Variants in TCEANC2 observed in about 807,000 individuals in gnomAD.
TCEANC2 encodes the protein transcription elongation factor A N-terminal and central domain containing 2, also known as transcription elongation factor A N-terminal and central domain-containing protein 2.
Under a neutral mutation model 22.8 loss-of-function variants are expected in TCEANC2, and 20 were observed. The observed-to-expected ratio is 0.88, with a 90% confidence interval of 0.62 to 1.28. The LOEUF is 1.28. Among genes scored for constraint, TCEANC2 ranks in the 50% most tolerant of loss-of-function variants. The pLI, the probability that TCEANC2 is intolerant of heterozygous loss-of-function variation, is 0.00. For synonymous variants in TCEANC2, 84 were observed against 95.5 expected, an observed-to-expected ratio of 0.88 and a Z score of 0.70; for missense variants, 251 against 249.7, an observed-to-expected ratio of 1.01 and a Z score of -0.03.
At chr1:54,072,187 C>T (rs1378433456) in intron 3 of TCEANC2, among the ~76,000 whole-genome samples, 2 of 152,080 alleles carry the variant, frequency 1.3e-5, no homozygotes, top group Non-Finnish European at 2.9e-5. Flanking sequence ...TAATTAGAAG[C>T]ATATTAGGTC....
At chr1:54,060,404 CAAA>C (rs1204211675) in intron 2 of TCEANC2, among the ~76,000 whole-genome samples, 1 of 127,398 alleles carries the variant, frequency 7.8e-6, no homozygotes, top group Non-Finnish European at 1.7e-5. Flanking sequence ...GACTCCATCT[CAAA>C]AAAAAAAAAA....
chr1:54,079,764 C>T lies in TCEANC2; in HGVS notation c.245-8833C>T, dbSNP rs536778640. Among the ~76,000 whole-genome samples the T allele has an allele frequency of 1.2e-4, 19 of 152,128 alleles. 1 individual carries two copies. Among genetic ancestry groups the T allele is most frequent in the Admixed American group, 3.9e-4 (6 of 15,270 alleles). On this transcript the variant is annotated intron_variant, in intron 3 of 4. Coordinates refer to ENST00000234827, the MANE Select transcript of TCEANC2 (RefSeq NM_153035.3). ...TAGTCTCTTTTGCCATGTAAGGTAA[C>T]GTAGTCACAGATTCTGAGGATTAGG...
At chr1:54,108,800 A>G (rs1014565722), downstream of TCEANC2, among the ~76,000 whole-genome samples, 16 of 151,764 alleles carry the variant, frequency 1.1e-4, no homozygotes, top group African/African-American at 3.4e-4. Context: ...GTGAAACCCC[A>G]TCTCTACTAA....
intron 4 of TCEANC2, among the ~76,000 whole-genome samples, chr1:54,095,015 T>C (rs1658519910): frequency 6.6e-6 from 1 of 152,100 alleles, no homozygotes; most frequent in African/African-American, 2.4e-5. Flanking sequence ...TGGTGGTGCA[T>C]GCCTGTAATA....
chr1:54,108,797 C>T (rs965184848), downstream of TCEANC2, among the ~76,000 whole-genome samples: 1 of 151,954 alleles, frequency 6.6e-6, no homozygotes, highest in Non-Finnish European at 1.5e-5. Flanking sequence ...ACAGTGAAAC[C>T]CCATCTCTAC....
In TCEANC2 at chr1:54,100,195, G is replaced by GC. The variant is rs1312228812; in HGVS notation, c.*3724dup. 2.6e-5 allele frequency: 4 copies of GC among 150,968 alleles called. No individual in the cohort carries two copies. Among genetic ancestry groups the GC allele is most frequent in the African/African-American group, 9.8e-5 (4 of 40,990 alleles). 9.4% of individuals were successfully genotyped at this position (150,968 alleles called of 1,614,324 possible). ...GGAGGTTGCAGTGAGCTGAGATGGC[G>GC]CCATTGCACTCCAGCCTGGGCGACA... On this transcript the variant is annotated 3_prime_UTR_variant, in exon 5 of 5. Coordinates refer to ENST00000234827, the MANE Select transcript of TCEANC2 (RefSeq NM_153035.3).
chr1:54,103,718 A>G lies in TCEANC2; in HGVS notation c.*7245A>G, dbSNP rs1368124669. The G allele has an allele frequency of 2.0e-5, 3 of 152,194 alleles. No homozygotes were observed. Among genetic ancestry groups the G allele is most frequent in the African/African-American group, 7.2e-5 (3 of 41,440 alleles). The allele number at this position is 152,194 out of a possible 1,614,324, so 9.4% of individuals were successfully genotyped here. A position where few individuals can be genotyped will look rare whatever the true frequency, so the allele number is the denominator to read the frequency against. ...GATATAGCTCCATCCCTTGAGAACA[A>G]CCAGCAGCCACTTGGGAAGTTGGCT... On this transcript the variant is annotated 3_prime_UTR_variant, in exon 5 of 5. Coordinates refer to ENST00000234827, the MANE Select transcript of TCEANC2 (RefSeq NM_153035.3).
chr1:54,067,740 T>C (rs1203640238), intron 2 of TCEANC2, among the ~76,000 whole-genome samples: 3 of 152,204 alleles, frequency 2.0e-5, no homozygotes, highest in Non-Finnish European at 4.4e-5. Flanking sequence ...TTGTTGTTGC[T>C]TTTATCAAAC....
intron 3 of TCEANC2, among the ~76,000 whole-genome samples, chr1:54,083,061 G>T (rs569961581): frequency 1.5e-4 from 23 of 152,294 alleles, no homozygotes; most frequent in African/African-American, 5.3e-4. Flanking sequence ...AGATCTATAT[G>T]ACTTGGAATG....
At chr1:54,064,148 A>G (rs1258793936) in intron 2 of TCEANC2, among the ~76,000 whole-genome samples, 3 of 152,234 alleles carry the variant, frequency 2.0e-5, no homozygotes, top group Non-Finnish European at 4.4e-5. Context: ...AGTCTATAAG[A>G]AAATAAATTA....
At chr1:54,085,129 G>T (rs531123611) in intron 3 of TCEANC2, among the ~76,000 whole-genome samples, 1 of 152,310 alleles carries the variant, frequency 6.6e-6, no homozygotes, top group Non-Finnish European at 1.5e-5. Flanking sequence ...TAATTGGTTA[G>T]AGGGAGAAGT....
rs564234105 is a variant in TCEANC2 at position 54,074,340 on chromosome 1, G to A, written c.244+5443G>A. ...TAGCTGGGCATGGTGGCGGACGCCTGTAGTCCCAGCTACTCAGGAGGCTGA... is the reference window on the plus strand; with the variant it reads ...TAGCTGGGCATGGTGGCGGACGCCTATAGTCCCAGCTACTCAGGAGGCTGA... On this transcript the variant is annotated intron_variant, in intron 3 of 4. Coordinates refer to ENST00000234827, the MANE Select transcript of TCEANC2 (RefSeq NM_153035.3). 1.1e-3 allele frequency among the ~76,000 whole-genome samples: 166 copies of A among 152,268 alleles called. 1 individual carries two copies. Among genetic ancestry groups the A allele is most frequent in the African/African-American group, 3.9e-3 (162 of 41,546 alleles).
intron 4 of TCEANC2, among the ~76,000 whole-genome samples, chr1:54,091,589 A>G (rs1658448196): frequency 6.6e-6 from 1 of 152,338 alleles, no homozygotes; most frequent in Admixed American, 6.5e-5. Context: ...ATAATAACGC[A>G]CAGCCTAAAG....
intron 3 of TCEANC2, among the ~76,000 whole-genome samples, chr1:54,082,334 T>G (rs533183833): frequency 6.3e-4 from 96 of 152,358 alleles, no homozygotes; most frequent in African/African-American, 2.3e-3. Flanking sequence ...ATTATTTTGT[T>G]TGCAGTTGTG....
rs561209586 is a variant in TCEANC2, at chr1:54,096,803, G to A, written c.*330G>A. On this transcript the variant is annotated 3_prime_UTR_variant, in exon 5 of 5. Transcript: ENST00000234827. The surrounding 1 kb of genome is among the most constrained non-coding windows in gnomAD (Gnocchi z 4.9). ...AAGGACACCTCTAAACTTCCCCCAT[G>A]TCAGTCAGATGAAGTTACTACTATA... is the stretch of plus-strand genomic sequence containing the variant. 2.0e-4 allele frequency: 203 copies of A among 1,035,758 alleles called. No individual in the cohort carries two copies. Among genetic ancestry groups the A allele is most frequent in the Non-Finnish European group, 2.2e-4 (190 of 861,892 alleles). The allele number at this position is 1,035,758 out of a possible 1,614,324, so 64.2% of individuals were successfully genotyped here. A position where few individuals can be genotyped will look rare whatever the true frequency, so the allele number is the denominator to read the frequency against.
intron 3 of TCEANC2, among the ~76,000 whole-genome samples, chr1:54,084,427 CA>C (rs1467443608): frequency 4.3e-4 from 66 of 152,302 alleles, no homozygotes; most frequent in African/African-American, 1.5e-3. Context: ...TTCACTATCA[CA>C]AACAATACTG....
chr1:54,085,238 T>G (rs948031877), intron 3 of TCEANC2, among the ~76,000 whole-genome samples: 1 of 152,226 alleles, frequency 6.6e-6, no homozygotes, highest in Non-Finnish European at 1.5e-5. Context: ...GACAATTGCT[T>G]GTTTAAGCCC....
At chr1:54,090,711 G>A (rs2100383202) in intron 4 of TCEANC2, among the ~76,000 whole-genome samples, 1 of 152,268 alleles carries the variant, frequency 6.6e-6, no homozygotes, top group African/African-American at 2.4e-5. Flanking sequence ...TTGTAAGTCT[G>A]ATTTTCCAGA....
chr1:54,077,199 A>G (rs147392538), intron 3 of TCEANC2, among the ~76,000 whole-genome samples: 1 of 152,310 alleles, frequency 6.6e-6, no homozygotes. Flanking sequence ...GCCTCTCGCT[A>G]TGTTGCCACC....
Sources: gnomAD v4.1 joint callset for allele counts (sites outside exome capture counted in the v4.1 genomes callset) on GRCh38, gnomAD v4.1.1 for gene constraint, Gnocchi (gnomAD v3.1) non-coding constraint, MANE v1.5 for transcripts, NCBI Gene and HGNC (gene_info 2026-07-23, HGNC 2026-07-21) for gene names.